SSH2: variants seen among roughly 807,000 people sequenced by gnomAD.
SSH2 encodes the protein protein phosphatase Slingshot homolog 2.
In SSH2, 37 loss-of-function variants were observed where a neutral mutation model predicts 135.2. The ratio of observed to expected loss-of-function variants is 0.27; its 90% confidence interval spans 0.21 to 0.36. The LOEUF (loss-of-function observed/expected upper bound fraction) is 0.36. Among genes scored for constraint, SSH2 ranks in the 10% least tolerant of loss-of-function variants. The pLI is 1.00. For synonymous variants in SSH2, 628 were observed against 646.2 expected, an observed-to-expected ratio of 0.97 and a Z score of 0.43; for missense variants, 1,408 against 1,765.3, an observed-to-expected ratio of 0.80 and a Z score of 3.63.
At chr17:29,663,961 G>A (rs1176597339) in intron 11 of SSH2, among the ~76,000 whole-genome samples, 1 of 152,080 alleles carries the variant, frequency 6.6e-6, no homozygotes, top group Non-Finnish European at 1.5e-5. Flanking sequence ...GTTGTATATG[G>A]GAAATCTCTA....
At chr17:29,915,426 C>T (rs1429222723) in intron 1 of SSH2, among the ~76,000 whole-genome samples, 3 of 152,144 alleles carry the variant, frequency 2.0e-5, no homozygotes, top group African/African-American at 4.8e-5. Flanking sequence ...CCCATGAATA[C>T]ACTCAGTGTC....
chr17:29,680,035 TA>T (rs2037904786), intron 6 of SSH2, among the ~76,000 whole-genome samples: 1 of 152,128 alleles, frequency 6.6e-6, no homozygotes, highest in Non-Finnish European at 1.5e-5. Flanking sequence ...ATAACATACT[TA>T]AAATAAAACA....
At chr17:29,815,235 T>C (rs1472372600) in intron 2 of SSH2, among the ~76,000 whole-genome samples, 1 of 151,308 alleles carries the variant, frequency 6.6e-6, no homozygotes, top group Admixed American at 6.6e-5. Context: ...AGTGATCCCC[T>C]GCCTCAGCCT....
intron 3 of SSH2, among the ~76,000 whole-genome samples, chr17:29,709,013 T>TAGAGAGAGAG (rs779414759): frequency 4.5e-5 from 4 of 88,162 alleles, no homozygotes; most frequent in East Asian, 3.6e-4. Flanking sequence ...TATATATATA[T>TAGAGAGAGAG]ATAGAGAGAG....
intron 1 of SSH2, among the ~76,000 whole-genome samples, chr17:29,890,261 AT>A: frequency 6.6e-6 from 1 of 152,300 alleles, no homozygotes; most frequent in Middle Eastern, 3.4e-3. Flanking sequence ...CTGGCAGTTC[AT>A]CAGTTAAAAA....
chr17:29,718,625 C>A (rs1447757320), intron 3 of SSH2, among the ~76,000 whole-genome samples: 1 of 147,312 alleles, frequency 6.8e-6, no homozygotes, highest in Admixed American at 7.1e-5. Flanking sequence ...CCCAGCTACT[C>A]TGGAGGCTGA....
chr17:29,913,225 C>T (rs1244109720), intron 1 of SSH2, among the ~76,000 whole-genome samples: 31 of 142,586 alleles, frequency 2.2e-4, no homozygotes, highest in East Asian at 1.3e-3. Flanking sequence ...GGCTGAGGCA[C>T]GACAATCGCT....
intron 14 of SSH2, chr17:29,642,957 G>A (rs1018870007): frequency 9.2e-6 from 2 of 217,910 alleles, no homozygotes; most frequent in East Asian, 1.8e-4. Context: ...CGAATGCTAG[G>A]ATCAGGGCTC....
chr17:29,775,066 T>TAACAA (rs2041668698), intron 3 of SSH2, among the ~76,000 whole-genome samples: 1 of 152,104 alleles, frequency 6.6e-6, no homozygotes, highest in South Asian at 2.1e-4. Context: ...AAAAACCAAA[T>TAACAA]AACAAAACAA....
At chr17:29,713,227 C>CGG (rs1439719875) in intron 3 of SSH2, among the ~76,000 whole-genome samples, 1 of 151,912 alleles carries the variant, frequency 6.6e-6, no homozygotes, top group Non-Finnish European at 1.5e-5. Context: ...TCCAGCTACT[C>CGG]GGGAGGCTGA....
At chr17:29,750,268 T>C (rs538015076) in intron 3 of SSH2, among the ~76,000 whole-genome samples, 256 of 150,814 alleles carry the variant, frequency 1.7e-3, no homozygotes, top group Non-Finnish European at 2.9e-3. Flanking sequence ...CGAAACCCCA[T>C]CTCTACCACA....
intron 3 of SSH2, among the ~76,000 whole-genome samples, chr17:29,774,932 C>T (rs1327092971): frequency 6.6e-6 from 1 of 152,166 alleles, no homozygotes; most frequent in Non-Finnish European, 1.5e-5. Context: ...CAGCCCTCCA[C>T]CCCATTTGCT....
At chr17:29,684,503 A>C in intron 6 of SSH2, 60 bp downstream of exon 6, 1 of 1,368,490 alleles carries the variant, frequency 7.3e-7, no homozygotes, top group Non-Finnish European at 9.8e-7. Flanking sequence ...AAAAAAAAAA[A>C]GCAACTGGAA....
intron 12 of SSH2, among the ~76,000 whole-genome samples, chr17:29,651,349 G>T (rs775341075): frequency 2.6e-5 from 4 of 152,208 alleles, no homozygotes; most frequent in Non-Finnish European, 5.9e-5. Context: ...AATGAGGACA[G>T]AACTGGAAGG....
At chr17:29,653,896 A>G (rs1426396526) in intron 12 of SSH2, among the ~76,000 whole-genome samples, 1 of 152,208 alleles carries the variant, frequency 6.6e-6, no homozygotes, top group Non-Finnish European at 1.5e-5. Context: ...CCAGAATTAC[A>G]GAATTTTTAA....
intron 2 of SSH2, among the ~76,000 whole-genome samples, chr17:29,811,004 T>G (rs1236084942): frequency 6.6e-6 from 1 of 152,154 alleles, no homozygotes; most frequent in Non-Finnish European, 1.5e-5. Context: ...CTTTTTTTGT[T>G]TGTTTTTTGG....
At chr17:29,905,487 G>T (rs1480387409) in intron 1 of SSH2, among the ~76,000 whole-genome samples, 1 of 152,200 alleles carries the variant, frequency 6.6e-6, no homozygotes, top group African/African-American at 2.4e-5. Context: ...TGTAGCTGCA[G>T]GTCTGAGCCT....
intron 1 of SSH2, among the ~76,000 whole-genome samples, chr17:29,924,844 G>C (rs1371120960): frequency 1.3e-5 from 2 of 152,104 alleles, no homozygotes; most frequent in African/African-American, 4.8e-5. Flanking sequence ...ACCTAAAATG[G>C]TTTGCACAAA....
intron 5 of SSH2, among the ~76,000 whole-genome samples, chr17:29,693,028 T>C (rs1447703608): frequency 1.3e-5 from 2 of 152,198 alleles, no homozygotes; most frequent in Non-Finnish European, 2.9e-5. Context: ...GGCGTGATCA[T>C]GGCTCACTGC....
Sources: gnomAD v4.1 joint callset for allele counts (sites outside exome capture counted in the v4.1 genomes callset) on GRCh38, gnomAD v4.1.1 for gene constraint, MANE v1.5 for transcripts, NCBI Gene and HGNC (gene_info 2026-07-23, HGNC 2026-07-21) for gene names.